The following CDK6 variants were observed in gnomAD, a reference collection of about 807,000 sequenced individuals.
CDK6 encodes cyclin-dependent kinase 6.
In CDK6, 6 loss-of-function variants were observed where a neutral mutation model predicts 37.1. That is an observed-to-expected ratio of 0.16 (90% CI 0.09 to 0.32). The LOEUF is 0.32. Among genes scored for constraint, CDK6 ranks in the 10% least tolerant of loss-of-function variants. The pLI is 1.00. For missense variants in CDK6, 224 were observed against 418.9 expected, an observed-to-expected ratio of 0.53 and a Z score of 4.06; for synonymous variants, 160 against 161.3, an observed-to-expected ratio of 0.99 and a Z score of 0.06.
intron 4 of CDK6, chr7:92,724,975 T>C (rs551091874): frequency 1.1e-6 from 1 of 952,016 alleles, no homozygotes; most frequent in South Asian, 4.8e-5. Flanking sequence ...AAATAGAAGC[T>C]AACCAATGTC....
intron 2 of CDK6, among the ~76,000 whole-genome samples, chr7:92,805,373 C>T (rs1286080523): frequency 6.6e-6 from 1 of 152,150 alleles, no homozygotes; most frequent in Non-Finnish European, 1.5e-5. Context: ...AGCATTTCTT[C>T]TCAATGGTTT....
At chr7:92,617,589 T>C (rs1795708750) in intron 7 of CDK6, among the ~76,000 whole-genome samples, 1 of 152,190 alleles carries the variant, frequency 6.6e-6, no homozygotes, top group Non-Finnish European at 1.5e-5. Flanking sequence ...AGGTATTTTA[T>C]ATGTCCCTGG....
At chr7:92,724,284 T>C (rs1798457270) in intron 4 of CDK6, among the ~76,000 whole-genome samples, 2 of 152,150 alleles carry the variant, frequency 1.3e-5, no homozygotes, top group African/African-American at 4.8e-5. Flanking sequence ...CTTTTAAACA[T>C]CAACTCGTGC....
intron 2 of CDK6, among the ~76,000 whole-genome samples, chr7:92,821,790 T>G (rs1320189854): frequency 6.6e-6 from 1 of 151,946 alleles, no homozygotes; most frequent in East Asian, 1.9e-4. Flanking sequence ...CACAACCCAT[T>G]ACGTGATCAC....
At chr7:92,647,292 T>C (rs1796474387) in intron 5 of CDK6, among the ~76,000 whole-genome samples, 1 of 152,128 alleles carries the variant, frequency 6.6e-6, no homozygotes, top group Admixed American at 6.5e-5. Context: ...CTGTGCTAAG[T>C]GCTATGAAGG....
intron 2 of CDK6, among the ~76,000 whole-genome samples, chr7:92,795,052 T>C (rs1311486697): frequency 2.6e-5 from 4 of 152,142 alleles, no homozygotes; most frequent in Non-Finnish European, 5.9e-5. Context: ...GTGTTTTCAT[T>C]TTCTCTTTGT....
At chr7:92,822,945 C>T (rs568699388) in intron 2 of CDK6, among the ~76,000 whole-genome samples, 127 of 152,064 alleles carry the variant, frequency 8.4e-4, no homozygotes, top group African/African-American at 2.9e-3. Context: ...TCTATTTTCT[C>T]TCTCATTGCT....
chr7:92,672,226 C>CACACACACAA (rs1797103413), intron 4 of CDK6, among the ~76,000 whole-genome samples: 1 of 143,344 alleles, frequency 7.0e-6, no homozygotes, highest in African/African-American at 2.7e-5. Context: ...CACACACACA[C>CACACACACAA]ACACACACAC....
chr7:92,650,033 C>A (rs1796537412), intron 5 of CDK6, among the ~76,000 whole-genome samples: 1 of 152,166 alleles, frequency 6.6e-6, no homozygotes, highest in Non-Finnish European at 1.5e-5. Context: ...AAAACAATCT[C>A]CCCTTTGTAT....
chr7:92,812,600 A>AT (rs1237485784), intron 2 of CDK6, among the ~76,000 whole-genome samples: 3 of 151,826 alleles, frequency 2.0e-5, no homozygotes, highest in Non-Finnish European at 4.4e-5. Flanking sequence ...TTTAGGAAAT[A>AT]TTTTTTGTAG....
At chr7:92,770,247 G>T (rs569065432) in intron 3 of CDK6, among the ~76,000 whole-genome samples, 11 of 150,684 alleles carry the variant, frequency 7.3e-5, no homozygotes, top group African/African-American at 2.7e-4. Context: ...GCACCTAAAG[G>T]ACATCAAGAA....
rs763654695 is a variant in CDK6, at chr7:92,615,173, G to A, written c.948C>T (p.Pro316=). 6.2e-6 allele frequency: 10 copies of A among 1,614,038 alleles called. No individual in the cohort carries two copies. The highest frequency in any genetic ancestry group is 8.5e-6 in the Non-Finnish European group (10 of 1,180,024). The change falls in exon 8 of 8, where the codon CCC becomes CCT. Residue 316 remains proline, a synonymous_variant. Transcript: ENST00000424848. ...CKENLDSHLP[P]SQNTSELNTA ...TATTCAGCTCCGAGGTGTTCTGGCT[G>A]GGCGGCAGGTGGGAATCCAGGTTTT...
At chr7:92,749,197 T>TAAA (rs75300713) in intron 3 of CDK6, among the ~76,000 whole-genome samples, 2 of 82,720 alleles carry the variant, frequency 2.4e-5, no homozygotes, top group Admixed American at 1.4e-4. Context: ...AGACTCTGCC[T>TAAA]AAAAAAAAAA....
At chr7:92,774,553 T>C in intron 3 of CDK6, 143 bp downstream of exon 3, 1 of 657,146 alleles carries the variant, frequency 1.5e-6, no homozygotes, top group East Asian at 3.0e-5. Flanking sequence ...ATCCCAATCT[T>C]TGAACATTTT....
intron 4 of CDK6, among the ~76,000 whole-genome samples, chr7:92,707,842 T>C (rs893310332): frequency 6.6e-6 from 1 of 152,234 alleles, no homozygotes; most frequent in Non-Finnish European, 1.5e-5. Flanking sequence ...GAACATGACA[T>C]TATTCTCTTA....
At chr7:92,628,366 A>G (rs1795978101) in intron 5 of CDK6, among the ~76,000 whole-genome samples, 1 of 56,372 alleles carries the variant, frequency 1.8e-5, no homozygotes, top group Admixed American at 2.3e-4. Context: ...TTCATTCCCT[A>G]CTTTAATACT....
At chr7:92,618,308 G>C in intron 6 of CDK6, 101 bp from the exon 7 acceptor site, 1 of 1,188,992 alleles carries the variant, frequency 8.4e-7, no homozygotes, top group Non-Finnish European at 1.2e-6. Flanking sequence ...GGAGACATGG[G>C]GGGCAGAGTC....
chr7:92,821,576 C>T (rs2115982930), intron 2 of CDK6, among the ~76,000 whole-genome samples: 1 of 152,130 alleles, frequency 6.6e-6, no homozygotes, highest in East Asian at 1.9e-4. Context: ...ACTTTATTAA[C>T]AACTTCCTTG....
At position 92,834,039 on chromosome 7, in the gene CDK6, A is replaced by G. The variant is rs1441301789; in HGVS notation, c.-367-349T>C. ...GGGAGGCGCCGGGCACGTCAATGTC[A>G]CGGCTTAATATTTATCCCTATATCA... On this transcript the variant is annotated intron_variant, in intron 1 of 7. Coordinates refer to ENST00000424848, the MANE Select transcript of CDK6 (RefSeq NM_001145306.2). This position sits in a 1 kb window ranked among gnomAD's most constrained non-coding sequence, Gnocchi z 4.6. 1 of 395,644 alleles carries G rather than the reference A, an allele frequency of 2.5e-6. No homozygotes were observed. The highest frequency in any genetic ancestry group is 4.4e-6 in the Non-Finnish European group (1 of 224,848). 24.5% of individuals were successfully genotyped at this position (395,644 alleles called of 1,614,324 possible). A position where few individuals can be genotyped will look rare whatever the true frequency, so the allele number is the denominator to read the frequency against.
Sources: allele counts gnomAD v4.1 joint callset (sites outside exome capture counted in the v4.1 genomes callset), GRCh38; gene constraint gnomAD v4.1.1; non-coding constraint Gnocchi (gnomAD v3.1); transcripts MANE v1.5; gene names NCBI Gene and HGNC (gene_info 2026-07-23, HGNC 2026-07-21).